SNTG1: variants seen among roughly 807,000 people sequenced by gnomAD.
SNTG1 encodes gamma-1-syntrophin.
A neutral mutation model predicts 74.7 loss-of-function variants in SNTG1; 39 were observed. The observed-to-expected ratio is 0.52, with a 90% CI of 0.40 to 0.68. The LOEUF (loss-of-function observed/expected upper bound fraction) is 0.68. Ranked by LOEUF, SNTG1 falls within the 30% of genes least tolerant of loss-of-function variation. The pLI is 0.00. For missense variants in SNTG1, 685 were observed against 609.5 expected, an observed-to-expected ratio of 1.12 and a Z score of -1.30; for synonymous variants, 254 against 217.1, an observed-to-expected ratio of 1.17 and a Z score of -1.49.
chr8:50,288,964 C>T (rs542635005), intron 2 of SNTG1, among the ~76,000 whole-genome samples: 1 of 152,154 alleles, frequency 6.6e-6, no homozygotes, highest in South Asian at 2.1e-4. Flanking sequence ...ATATTAATTC[C>T]AAAAATATTA....
intron 15 of SNTG1, among the ~76,000 whole-genome samples, chr8:50,676,073 T>C (rs2095308508): frequency 6.6e-6 from 1 of 152,046 alleles, no homozygotes; most frequent in South Asian, 2.1e-4. Flanking sequence ...AGTTTTTCCT[T>C]CATTTCAACC....
At position 50,673,754 on chromosome 8, in the gene SNTG1, C is replaced by T. The variant is rs150297949; in HGVS notation, c.1038+15091C>T. Reference sequence around the variant, plus strand: ...GAGAGAGGGCATCCTTGTCTCATACCGGTATTCAAAGGGAATGCTTCCAGC... The same window carrying T: ...GAGAGAGGGCATCCTTGTCTCATACTGGTATTCAAAGGGAATGCTTCCAGC... On this transcript the variant is annotated intron_variant, in intron 15 of 18. Coordinates refer to ENST00000642720, the MANE Select transcript of SNTG1 (RefSeq NM_018967.5). 6.9e-3 allele frequency among the ~76,000 whole-genome samples: 1,049 copies of T among 152,144 alleles called. 5 individuals carry two copies. The highest frequency in any genetic ancestry group is 0.011 in the Non-Finnish European group (741 of 67,984).
Position 50,484,149 on chromosome 8 carries a change from TTTCCTTCCTTCCTTCC to T in SNTG1, c.364-18577_364-18562del, listed in dbSNP as rs1176639085. On this transcript the variant is annotated intron_variant, in intron 8 of 18. Coordinates refer to ENST00000642720, the MANE Select transcript of SNTG1 (RefSeq NM_018967.5). Reference sequence around the variant, plus strand: ...CTTTCTTTCTTTCCTTCTTTCTTTCTTTCCTTCCTTCCTTCCTTCCTTCCTTCCTTCCTTCCTTCCT... The same window carrying T: ...CTTTCTTTCTTTCCTTCTTTCTTTCTTTCCTTCCTTCCTTCCTTCCTTCCT... 4.2e-3 allele frequency among the ~76,000 whole-genome samples: 197 copies of T among 46,928 alleles called. 1 individual carries two copies. The highest frequency in any genetic ancestry group is 6.9e-3 in the Non-Finnish European group (146 of 21,124). The allele number at this position is 46,928 out of a possible 152,430, so 30.8% of individuals were successfully genotyped here.
chr8:50,124,971 A>T (rs1031130690), intron 1 of SNTG1, among the ~76,000 whole-genome samples: 4 of 141,746 alleles, frequency 2.8e-5, no homozygotes, highest in Non-Finnish European at 4.7e-5. Context: ...TTCATGGCAT[A>T]CCCTCTCATA....
chr8:50,764,166 A>G (rs2095607546), intron 18 of SNTG1, among the ~76,000 whole-genome samples: 1 of 151,892 alleles, frequency 6.6e-6, no homozygotes, highest in Admixed American at 6.6e-5. Flanking sequence ...CACCATATAT[A>G]AAAACAACTC....
chr8:50,212,171 A>G (rs1481647241), intron 2 of SNTG1, among the ~76,000 whole-genome samples: 1 of 152,176 alleles, frequency 6.6e-6, no homozygotes, highest in Non-Finnish European at 1.5e-5. Context: ...AATTTCTTGT[A>G]CAGTATCTGT....
chr8:50,528,154 C>G (rs2094237567), intron 9 of SNTG1, among the ~76,000 whole-genome samples: 1 of 151,896 alleles, frequency 6.6e-6, no homozygotes, highest in Non-Finnish European at 1.5e-5. Flanking sequence ...GTTGCAGTGG[C>G]TAAGACTTCC....
intron 13 of SNTG1, among the ~76,000 whole-genome samples, chr8:50,591,904 T>A (rs140908491): frequency 7.2e-4 from 109 of 152,288 alleles, no homozygotes; most frequent in Admixed American, 2.5e-3. Context: ...GTACGTGTCT[T>A]GCCACATGCT....
chr8:49,965,229 G>T (rs1389625521), intron 1 of SNTG1, among the ~76,000 whole-genome samples: 1 of 152,148 alleles, frequency 6.6e-6, no homozygotes, highest in Admixed American at 6.5e-5. Context: ...CATCAATTTA[G>T]CAGTAAGGAT....
intron 1 of SNTG1, among the ~76,000 whole-genome samples, chr8:50,099,999 T>C (rs2080064837): frequency 6.6e-6 from 1 of 152,082 alleles, no homozygotes; most frequent in South Asian, 2.1e-4. Flanking sequence ...TGTCTGTTTT[T>C]GCTTTTGGTG....
intron 5 of SNTG1, among the ~76,000 whole-genome samples, chr8:50,447,215 G>T (rs940749989): frequency 1.3e-5 from 2 of 152,232 alleles, no homozygotes; most frequent in South Asian, 4.1e-4. Flanking sequence ...CCAAGAATAG[G>T]TTTCCCAATG....
chr8:50,386,177 C>T (rs1032092715), intron 2 of SNTG1, among the ~76,000 whole-genome samples: 1 of 152,094 alleles, frequency 6.6e-6, no homozygotes, highest in South Asian at 2.1e-4. Flanking sequence ...ACACTCAGAA[C>T]CAGGGGAAAA....
At chr8:49,972,808 A>T (rs533790292) in intron 1 of SNTG1, among the ~76,000 whole-genome samples, 7 of 152,224 alleles carry the variant, frequency 4.6e-5, no homozygotes, top group African/African-American at 7.2e-5. Context: ...TCAGAACCAC[A>T]ATGAGATATC....
intron 2 of SNTG1, among the ~76,000 whole-genome samples, chr8:50,330,979 T>A (rs2090941520): frequency 6.6e-6 from 1 of 152,222 alleles, no homozygotes; most frequent in Admixed American, 6.5e-5. Context: ...TCATGTGATT[T>A]CTGAGGAGAA....
chr8:50,737,798 A>G (rs530640550), intron 17 of SNTG1, among the ~76,000 whole-genome samples: 1 of 152,262 alleles, frequency 6.6e-6, no homozygotes, highest in East Asian at 1.9e-4. Context: ...AACAGAACCA[A>G]TTACAAAAAT....
At chr8:50,427,955 A>T (rs1236115773) in intron 4 of SNTG1, among the ~76,000 whole-genome samples, 1 of 152,168 alleles carries the variant, frequency 6.6e-6, no homozygotes, top group East Asian at 1.9e-4. Context: ...AGTAGATTAG[A>T]CAAAAGGAAA....
At chr8:50,023,492 A>C (rs898423180) in intron 1 of SNTG1, among the ~76,000 whole-genome samples, 6 of 152,188 alleles carry the variant, frequency 3.9e-5, no homozygotes, top group African/African-American at 1.4e-4. Context: ...ATTCTCCTTA[A>C]GGCGATCAGT....
chr8:50,704,486 C>A, intron 15 of SNTG1, 114 bp from the exon 16 acceptor site: 1 of 1,285,266 alleles, frequency 7.8e-7, no homozygotes, highest in South Asian at 1.2e-5. Context: ...TTGGTGAATT[C>A]GCAGAGTGTT....
intron 1 of SNTG1, among the ~76,000 whole-genome samples, chr8:49,914,313 A>G (rs1240910976): frequency 6.6e-6 from 1 of 152,208 alleles, no homozygotes; most frequent in Admixed American, 6.5e-5. Flanking sequence ...CTAAAGAAAA[A>G]GGATGCATGA....
Sources: gnomAD v4.1 joint callset for allele counts (sites outside exome capture counted in the v4.1 genomes callset) on GRCh38, gnomAD v4.1.1 for gene constraint, MANE v1.5 for transcripts, NCBI Gene and HGNC (gene_info 2026-07-23, HGNC 2026-07-21) for gene names.